Variants in DYNC2H1 observed in about 807,000 individuals in gnomAD.
DYNC2H1 encodes the protein cytoplasmic dynein 2 heavy chain 1.
DYNC2H1 carries 410 observed loss-of-function variants against 570.0 expected under a neutral mutation model. That is an observed-to-expected ratio of 0.72 (90% CI 0.66 to 0.78). DYNC2H1 has a LOEUF of 0.78. Ranked by LOEUF, DYNC2H1 falls within the 30% of genes least tolerant of loss-of-function variation. The pLI is 0.00. For missense variants in DYNC2H1, 4,865 were observed against 5,046.4 expected, an observed-to-expected ratio of 0.96 and a Z score of 1.09; for synonymous variants, 1,688 against 1,677.6, an observed-to-expected ratio of 1.01 and a Z score of -0.15.
intron 87 of DYNC2H1, among the ~76,000 whole-genome samples, chr11:103,464,486 G>A (rs1591797573): frequency 6.6e-6 from 1 of 152,126 alleles, no homozygotes; most frequent in Admixed American, 6.5e-5. Context: ...ATTGGAGAAT[G>A]ATGAGTTCTT....
rs1311732499 is a variant in DYNC2H1 at position 103,321,129 on chromosome 11, A to G, written c.11826A>G (p.Ser3942=). 1 of 1,612,574 alleles carries G rather than the reference A, an allele frequency of 6.2e-7. No homozygotes were observed. The highest frequency in any genetic ancestry group is 8.5e-7 in the Non-Finnish European group (1 of 1,179,210). ...ATTTTGACCTTAGAGTTCTTCAGTC[A>G]TACCTGAAGCAGTTTTTTAATTCTT... The part of the protein sequence containing the change: ...DNYFDLRVLQ[S]YLKQFFNSSV... Residue 3942 remains serine, a synonymous_variant, in exon 81 of 89, where the codon TCA becomes TCG. Coordinates refer to ENST00000375735, the MANE Select transcript of DYNC2H1 (RefSeq NM_001377.3).
chr11:103,307,911 T>G (rs1308397325), intron 78 of DYNC2H1, 80 bp downstream of exon 78: 1 of 695,546 alleles, frequency 1.4e-6, no homozygotes, highest in Non-Finnish European at 2.3e-6. Flanking sequence ...TGTAAACAAC[T>G]ATTATACAGA....
chr11:103,290,925 T>G (rs190407766), intron 75 of DYNC2H1, among the ~76,000 whole-genome samples: 51 of 152,306 alleles, frequency 3.3e-4, no homozygotes, highest in Non-Finnish European at 2.6e-4. Flanking sequence ...AGGACTCTGA[T>G]TTACTCAATT....
intron 31 of DYNC2H1, among the ~76,000 whole-genome samples, chr11:103,168,031 T>C (rs970875327): frequency 5.9e-5 from 9 of 152,244 alleles, no homozygotes; most frequent in African/African-American, 2.2e-4. Context: ...TTCTTCTCCA[T>C]GATCTTCCCA....
At chr11:103,165,455 C>T (rs1195611573) in intron 30 of DYNC2H1, among the ~76,000 whole-genome samples, 1 of 152,094 alleles carries the variant, frequency 6.6e-6, no homozygotes, top group Admixed American at 6.6e-5. Flanking sequence ...TAGGAGAATA[C>T]TGGAATTTTG....
chr11:103,468,184 A>C (rs964550313), intron 87 of DYNC2H1, among the ~76,000 whole-genome samples: 1 of 151,994 alleles, frequency 6.6e-6, no homozygotes. Flanking sequence ...TCTGAACTTT[A>C]TTCTATTCCT....
rs750964037 is a variant in DYNC2H1, at chr11:103,122,981, G to T, written c.1642G>T (p.Asp548Tyr). Reference sequence around the variant, plus strand: ...CAGGGATATTCAATCAGGTTTATCTGATTCCAGATCTGGTTTGTGGTAAGT... The same window carrying T: ...CAGGGATATTCAATCAGGTTTATCTTATTCCAGATCTGGTTTGTGGTAAGT... ...WSRDIQSGLSDSRSGLCIEAS... is the reference protein window; with the variant it reads ...WSRDIQSGLSYSRSGLCIEAS... The change falls in exon 11 of 89, where the codon GAT becomes TAT. Residue 548 changes from aspartate to tyrosine, a missense_variant. Transcript: ENST00000375735. The T allele has an allele frequency of 7.8e-6, 12 of 1,537,608 alleles. No individual in the cohort carries two copies. The highest frequency in any genetic ancestry group is 1.1e-5 in the Non-Finnish European group (12 of 1,134,782).
At chr11:103,418,305 G>A (rs777897470) in intron 84 of DYNC2H1, among the ~76,000 whole-genome samples, 3 of 152,166 alleles carry the variant, frequency 2.0e-5, no homozygotes, top group African/African-American at 7.2e-5. Context: ...TTTAGAGCTA[G>A]TAAGAGTTTG....
At chr11:103,405,932 C>T (rs946632634) in intron 84 of DYNC2H1, 2 of 152,008 alleles carry the variant, frequency 1.3e-5, no homozygotes, top group Non-Finnish European at 2.9e-5. Flanking sequence ...GGTGATTTCT[C>T]ATGTTGAATT....
intron 77 of DYNC2H1, among the ~76,000 whole-genome samples, chr11:103,307,375 A>T (rs187566478): frequency 1.4e-4 from 21 of 152,254 alleles, no homozygotes; most frequent in Admixed American, 1.4e-3. Context: ...TGAACTTACT[A>T]TGTATCAGGC....
Position 103,151,053 on chromosome 11 carries a change from A to T in DYNC2H1, c.2947-1083A>T, listed in dbSNP as rs1229199795. ...GGTATGTCTATTTGTTGGTATGTGGATTTGAGGGGTAGGACTGGAGGTAGG... is the reference window on the plus strand; with the variant it reads ...GGTATGTCTATTTGTTGGTATGTGGTTTTGAGGGGTAGGACTGGAGGTAGG... On this transcript the variant is annotated intron_variant, in intron 20 of 88. Transcript: ENST00000375735. This position sits in a 1 kb window ranked among gnomAD's most constrained non-coding sequence, Gnocchi z 4.6. Among the ~76,000 whole-genome samples the T allele has an allele frequency of 1.3e-5, 2 of 151,920 alleles. No individual in the cohort carries two copies. Among genetic ancestry groups the T allele is most frequent in the Non-Finnish European group, 2.9e-5 (2 of 67,992 alleles).
At chr11:103,329,246 C>A (rs1386208853) in intron 82 of DYNC2H1, among the ~76,000 whole-genome samples, 1 of 151,648 alleles carries the variant, frequency 6.6e-6, no homozygotes, top group Non-Finnish European at 1.5e-5. Flanking sequence ...CAAGAGTGAT[C>A]TGCATTCAGA....
At chr11:103,235,232 T>C (rs1273232337) in intron 61 of DYNC2H1, among the ~76,000 whole-genome samples, 1 of 151,928 alleles carries the variant, frequency 6.6e-6, no homozygotes, top group Non-Finnish European at 1.5e-5. Flanking sequence ...GCTCTATCTC[T>C]CTTCTTTCCT....
In DYNC2H1 at chr11:103,459,958, C is replaced by CAAAAAA. The variant is rs376050088; in HGVS notation, c.12648+3607_12648+3612dup. Among the ~76,000 whole-genome samples the CAAAAAA allele has an allele frequency of 7.2e-4, 51 of 70,846 alleles. 1 individual carries two copies. Among genetic ancestry groups the CAAAAAA allele is most frequent in the African/African-American group, 3.0e-3 (46 of 15,340 alleles). 46.5% of individuals were successfully genotyped at this position (70,846 alleles called of 152,430 possible). On this transcript the variant is annotated intron_variant, in intron 87 of 88. Transcript: ENST00000375735. Reference sequence around the variant, plus strand: ...TGGGCGACAGAGCGAGACTCCGTCTCAAAAAAAAAAGAAAAAAAAAAAAAA... The same window carrying CAAAAAA: ...TGGGCGACAGAGCGAGACTCCGTCTCAAAAAAAAAAAAAAAAGAAAAAAAAAAAAAA...
In DYNC2H1 at chr11:103,205,276, AT is replaced by A. The variant is rs897599096; in HGVS notation, c.8454+314del. 3.9e-5 allele frequency among the ~76,000 whole-genome samples: 6 copies of A among 152,176 alleles called. No homozygotes were observed. Among genetic ancestry groups the A allele is most frequent in the Non-Finnish European group, 8.8e-5 (6 of 68,022 alleles). ...AAAAAATCATAGCAAGTATTTAACAATTAAAGAATTTTTAAATCCTTAAAAA... is the reference window on the plus strand; with the variant it reads ...AAAAAATCATAGCAAGTATTTAACAATAAAGAATTTTTAAATCCTTAAAAA... On this transcript the variant is annotated intron_variant, in intron 52 of 88. Coordinates refer to ENST00000375735, the MANE Select transcript of DYNC2H1 (RefSeq NM_001377.3). This position sits in a 1 kb window ranked among gnomAD's most constrained non-coding sequence, Gnocchi z 4.5.
At chr11:103,301,806 G>A (rs1237827159) in intron 75 of DYNC2H1, among the ~76,000 whole-genome samples, 1 of 151,860 alleles carries the variant, frequency 6.6e-6, no homozygotes, top group Non-Finnish European at 1.5e-5. Context: ...ATATTTTAAA[G>A]TGTTTATTAT....
At chr11:103,178,847 T>G (rs1029507558) in intron 38 of DYNC2H1, among the ~76,000 whole-genome samples, 179 bp from the exon 39 acceptor site, 2 of 152,054 alleles carry the variant, frequency 1.3e-5, no homozygotes, top group Non-Finnish European at 2.9e-5. Flanking sequence ...ATAGATAAAG[T>G]ATTATTACAT....
At chr11:103,457,933 C>T in intron 87 of DYNC2H1, among the ~76,000 whole-genome samples, 1 of 152,052 alleles carries the variant, frequency 6.6e-6, no homozygotes, top group East Asian at 1.9e-4. Flanking sequence ...AAAACATAAA[C>T]ACGAGATGTG....
chr11:103,223,220 C>CA, intron 59 of DYNC2H1, 134 bp downstream of exon 59: 2 of 794,022 alleles, frequency 2.5e-6, no homozygotes, highest in Non-Finnish European at 3.5e-6. Flanking sequence ...ATGAATGAGT[C>CA]AATTAAAGAC....
Sources: allele counts gnomAD v4.1 joint callset (sites outside exome capture counted in the v4.1 genomes callset), GRCh38; gene constraint gnomAD v4.1.1; non-coding constraint Gnocchi (gnomAD v3.1); transcripts MANE v1.5; gene names NCBI Gene and HGNC (gene_info 2026-07-23, HGNC 2026-07-21).